Variants in PLEKHA7 observed in about 807,000 individuals in gnomAD.
PLEKHA7 encodes pleckstrin homology domain containing A7.
In PLEKHA7, 104 loss-of-function variants were observed where a neutral mutation model predicts 170.0. The observed-to-expected ratio is 0.61, with a 90% CI of 0.52 to 0.72. The LOEUF (loss-of-function observed/expected upper bound fraction) is 0.72. Among genes scored for constraint, PLEKHA7 ranks in the 30% least tolerant of loss-of-function variants. PLEKHA7 has a pLI of 0.00. For synonymous variants in PLEKHA7, 648 were observed against 660.8 expected (o/e 0.98, Z 0.30); for missense variants, 1,615 against 1,671.7 (o/e 0.97, Z 0.59).
chr11:16,820,371 T>C (rs1264390707), intron 10 of PLEKHA7, among the ~76,000 whole-genome samples: 1 of 152,230 alleles, frequency 6.6e-6, no homozygotes, highest in African/African-American at 2.4e-5. Flanking sequence ...ATAGTTGTCA[T>C]TCAAATAAAG....
At chr11:16,990,131 TC>T (rs1863944446) in intron 3 of PLEKHA7, among the ~76,000 whole-genome samples, 1 of 151,726 alleles carries the variant, frequency 6.6e-6, no homozygotes, top group South Asian at 2.1e-4. Flanking sequence ...CCAGAGTTCC[TC>T]AGCTCTCTGG....
chr11:16,794,063 A>G (rs1848043921), intron 19 of PLEKHA7, among the ~76,000 whole-genome samples: 1 of 152,138 alleles, frequency 6.6e-6, no homozygotes, highest in Admixed American at 6.5e-5. Context: ...CGGCGGGTGA[A>G]GGGAAGGACA....
intron 3 of PLEKHA7, among the ~76,000 whole-genome samples, chr11:16,893,537 T>C (rs1482747868): frequency 6.6e-6 from 1 of 152,114 alleles, no homozygotes; most frequent in African/African-American, 2.4e-5. Context: ...GCTGAGAAAG[T>C]AGTGACAGAG....
At chr11:16,784,182 A>G (rs1849248915) in intron 24 of PLEKHA7, among the ~76,000 whole-genome samples, 1 of 152,156 alleles carries the variant, frequency 6.6e-6, no homozygotes, top group South Asian at 2.1e-4. Flanking sequence ...GCCACTGATC[A>G]ACCAGTCCCT....
In PLEKHA7 at chr11:16,782,770, A is replaced by G. The variant is rs917704810; in HGVS notation, c.3777T>C (p.Arg1259=). ...TGGCCTTACCTGCCACCTGCTTGCTACGCTGGGAGGCCTCGGAGGCCAGGG... is the reference window on the plus strand; with the variant it reads ...TGGCCTTACCTGCCACCTGCTTGCTGCGCTGGGAGGCCTCGGAGGCCAGGG... The part of the protein sequence containing the change: ...SYALASEASQ[R]SKQVAAQAVT... Residue 1259 remains arginine, a synonymous_variant, in exon 26 of 27, where the codon CGT becomes CGC. Transcript: ENST00000531066. 4.6e-6 allele frequency: 7 copies of G among 1,535,958 alleles called. No homozygotes were observed. The Middle Eastern group carries it at 5.0e-4, about 110-fold the overall frequency.
chr11:16,942,581 A>G (rs761079670), intron 3 of PLEKHA7, among the ~76,000 whole-genome samples: 5 of 152,226 alleles, frequency 3.3e-5, no homozygotes, highest in Non-Finnish European at 7.3e-5. Context: ...CTCACACACT[A>G]GTATCCCAAA....
chr11:16,953,369 C>A (rs1565150515), intron 3 of PLEKHA7, among the ~76,000 whole-genome samples: 1 of 152,156 alleles, frequency 6.6e-6, no homozygotes, highest in African/African-American at 2.4e-5. Context: ...TAAGAAAGTT[C>A]TTTTGTGAAT....
chr11:16,934,859 T>C (rs1860177685), intron 3 of PLEKHA7, among the ~76,000 whole-genome samples: 1 of 152,200 alleles, frequency 6.6e-6, no homozygotes, highest in African/African-American at 2.4e-5. Flanking sequence ...ATATGTAAAA[T>C]ACTTTGAAAT....
intron 3 of PLEKHA7, among the ~76,000 whole-genome samples, chr11:16,935,186 G>C (rs867762466): frequency 2.6e-5 from 4 of 152,232 alleles, no homozygotes; most frequent in Non-Finnish European, 5.9e-5. Flanking sequence ...TGTAATCCCA[G>C]CACTTTGGGA....
At chr11:16,915,407 G>A (rs934405052) in intron 3 of PLEKHA7, among the ~76,000 whole-genome samples, 8 of 151,906 alleles carry the variant, frequency 5.3e-5, no homozygotes, top group East Asian at 1.9e-4. Context: ...ACATGTGCAC[G>A]ATGTGCAGGT....
intron 10 of PLEKHA7, among the ~76,000 whole-genome samples, chr11:16,822,351 T>C (rs1013884373): frequency 4.6e-5 from 7 of 151,798 alleles, no homozygotes; most frequent in African/African-American, 1.7e-4. Context: ...AGCATGGTAA[T>C]TCAGGTTTGC....
At position 16,854,905 on chromosome 11, in the gene PLEKHA7, C is replaced by G; in HGVS notation, c.506G>C (p.Gly169Ala). Reference sequence around the variant, plus strand: ...CTTCCTCACCTGCTTGTGCAGCCAGCCCCTCACCACCACGGGAACATTGGG... The same window carrying G: ...CTTCCTCACCTGCTTGTGCAGCCAGGCCCTCACCACCACGGGAACATTGGG... ...RNPNVPVVVR[G>A]WLHKQDSSGM... is the part of the protein sequence containing the mutation. The change falls in exon 6 of 27, where the codon GGC (glycine) becomes GCC (alanine). Residue 169 changes from glycine to alanine, a missense_variant. Gly to Ala is a moderately conservative substitution (Grantham distance 60, BLOSUM62 0). Coordinates refer to ENST00000531066, the MANE Select transcript of PLEKHA7 (RefSeq NM_001329630.2). The G allele has an allele frequency of 6.2e-7, 1 of 1,613,936 alleles. No individual in the cohort carries two copies. The highest frequency in any genetic ancestry group is 8.5e-7 in the Non-Finnish European group (1 of 1,179,880).
intron 3 of PLEKHA7, among the ~76,000 whole-genome samples, chr11:16,959,476 T>C (rs1400408992): frequency 6.6e-6 from 1 of 152,184 alleles, no homozygotes; most frequent in East Asian, 1.9e-4. Context: ...AGCCAAGAAA[T>C]GTGCCTACAT....
chr11:16,895,471 C>T (rs1299439269), intron 3 of PLEKHA7, among the ~76,000 whole-genome samples: 2 of 152,204 alleles, frequency 1.3e-5, no homozygotes, highest in South Asian at 2.1e-4. Flanking sequence ...TTATACTGCG[C>T]CTTTCCAGAT....
intron 3 of PLEKHA7, among the ~76,000 whole-genome samples, chr11:16,891,294 G>T (rs1856594247): frequency 6.6e-6 from 1 of 152,190 alleles, no homozygotes; most frequent in Non-Finnish European, 1.5e-5. Flanking sequence ...GCCTGGATTT[G>T]AGTGGCATAT....
intron 3 of PLEKHA7, among the ~76,000 whole-genome samples, chr11:16,991,506 G>C (rs1487549204): frequency 6.6e-6 from 1 of 152,018 alleles, no homozygotes; most frequent in East Asian, 1.9e-4. Context: ...ACCCTGAGAA[G>C]ATGACATCTC....
At chr11:16,804,882 T>A (rs547169197) in intron 13 of PLEKHA7, among the ~76,000 whole-genome samples, 2 of 150,492 alleles carry the variant, frequency 1.3e-5, no homozygotes, top group African/African-American at 4.8e-5. Flanking sequence ...TGCTGTCTCC[T>A]GCAATGCGGG....
intron 9 of PLEKHA7, among the ~76,000 whole-genome samples, chr11:16,840,277 C>T (rs913595686): frequency 2.0e-5 from 3 of 152,160 alleles, no homozygotes; most frequent in African/African-American, 7.2e-5. Flanking sequence ...GATATAAAGA[C>T]AGGCCGGGCG....
At chr11:16,835,607 G>A (rs758371250) in intron 9 of PLEKHA7, among the ~76,000 whole-genome samples, 7 of 152,176 alleles carry the variant, frequency 4.6e-5, no homozygotes, top group Non-Finnish European at 8.8e-5. Context: ...CTCAGGCACT[G>A]GACTAAGTAA....
Sources: allele counts gnomAD v4.1 joint callset (sites outside exome capture counted in the v4.1 genomes callset), GRCh38; gene constraint gnomAD v4.1.1; transcripts MANE v1.5; gene names NCBI Gene and HGNC (gene_info 2026-07-23, HGNC 2026-07-21).